ENOX1: variants seen among roughly 807,000 people sequenced by gnomAD.
ENOX1 encodes ecto-NOX disulfide-thiol exchanger 1.
ENOX1 carries 42 observed loss-of-function variants against 82.5 expected under a neutral mutation model. The observed-to-expected ratio is 0.51, with a 90% confidence interval of 0.40 to 0.66. The LOEUF (loss-of-function observed/expected upper bound fraction) is 0.66, where lower values mean the gene tolerates loss of function less well. ENOX1 is among the 30% of genes least tolerant of loss of function. ENOX1 has a pLI of 0.00. For synonymous variants in ENOX1, 271 were observed against 282.2 expected (o/e 0.96, Z 0.40); for missense variants, 608 against 811.6 (o/e 0.75, Z 3.05).
intron 2 of ENOX1, among the ~76,000 whole-genome samples, chr13:43,590,615 A>T (rs977680595): frequency 1.0e-3 from 25 of 24,916 alleles, no homozygotes; most frequent in African/African-American, 9.0e-4. Context: ...TCTACTAAAA[A>T]AACAAAAAAA....
At position 43,265,317 on chromosome 13, in the gene ENOX1, T is replaced by C. The variant is rs2044305318; in HGVS notation, c.1611+81A>G. 5 of 1,197,542 alleles carry C rather than the reference T, an allele frequency of 4.2e-6. No homozygotes were observed. The Admixed American group carries it at 8.5e-5, about 20-fold the overall frequency. The allele number at this position is 1,197,542 out of a possible 1,614,324, so 74.2% of individuals were successfully genotyped here. On this transcript the variant is annotated intron_variant, in intron 14 of 16. Coordinates refer to ENST00000690772, the MANE Select transcript of ENOX1 (RefSeq NM_001347969.2). ...CAGGCAGAGCTTCTGATTTCCTTTA[T>C]GTGGTAGATAAAGTGCTACATCCCC...
chr13:43,378,777 G>A (rs1225808063), intron 5 of ENOX1, among the ~76,000 whole-genome samples: 1 of 152,124 alleles, frequency 6.6e-6, no homozygotes, highest in Non-Finnish European at 1.5e-5. Flanking sequence ...ACAATGTCTG[G>A]TAACCAATTA....
intron 14 of ENOX1, among the ~76,000 whole-genome samples, chr13:43,258,298 G>A (rs1360078772): frequency 6.6e-6 from 1 of 152,210 alleles, no homozygotes; most frequent in Non-Finnish European, 1.5e-5. Flanking sequence ...TTTCAAGGGT[G>A]CTGGGTTGGG....
At chr13:43,304,045 T>C (rs1288747777) in intron 11 of ENOX1, among the ~76,000 whole-genome samples, 3 of 152,212 alleles carry the variant, frequency 2.0e-5, no homozygotes, top group Admixed American at 2.0e-4. Flanking sequence ...TCCTTTTGTA[T>C]GAGCCCCGAC....
rs138849690 is a variant in ENOX1, at chr13:43,247,059, C to G, written c.1612-10321G>C. ...CCTCTAGGCTGGGTGCGGTGGCTTG[C>G]ACCTGTAATCCCAGCACTTTGGGAG... On this transcript the variant is annotated intron_variant, in intron 14 of 16. Coordinates refer to ENST00000690772, the MANE Select transcript of ENOX1 (RefSeq NM_001347969.2). Among the ~76,000 whole-genome samples the G allele has an allele frequency of 2.6e-3, 395 of 152,304 alleles. 5 individuals are homozygous for G. Among genetic ancestry groups the G allele is most frequent in the African/African-American group, 9.0e-3 (376 of 41,568 alleles).
chr13:43,406,785 G>A (rs554735183), intron 5 of ENOX1, among the ~76,000 whole-genome samples: 9 of 152,030 alleles, frequency 5.9e-5, no homozygotes, highest in Non-Finnish European at 1.2e-4. Flanking sequence ...GAGCCACCGC[G>A]CCCGGCCAAG....
chr13:43,716,064 A>C (rs1205548435), intron 1 of ENOX1, among the ~76,000 whole-genome samples: 1 of 152,166 alleles, frequency 6.6e-6, no homozygotes, highest in African/African-American at 2.4e-5. Context: ...CAACTCATCA[A>C]AGTCATTCTC....
chr13:43,467,890 C>A (rs2153643758), intron 3 of ENOX1, among the ~76,000 whole-genome samples: 1 of 152,238 alleles, frequency 6.6e-6, no homozygotes, highest in East Asian at 1.9e-4. Flanking sequence ...TGTGGAAATC[C>A]AGTTGTCCCA....
chr13:43,512,512 G>A (rs2077406032), intron 2 of ENOX1, among the ~76,000 whole-genome samples: 1 of 151,980 alleles, frequency 6.6e-6, no homozygotes. Flanking sequence ...AAACTTGCCA[G>A]CACTATTCCA....
chr13:43,361,526 T>G, intron 5 of ENOX1, 74 bp from the exon 6 acceptor site: 1 of 1,390,090 alleles, frequency 7.2e-7, no homozygotes, highest in South Asian at 1.3e-5. Flanking sequence ...CATTTTCCTG[T>G]GGATTATTTG....
In ENOX1 at chr13:43,324,666, C is replaced by T. The variant is rs200774850; in HGVS notation, c.1143+1753G>A. 1.6e-4 allele frequency among the ~76,000 whole-genome samples: 25 copies of T among 152,286 alleles called. No homozygotes were observed. The East Asian group carries it at 3.7e-3, about 22-fold the overall frequency. On this transcript the variant is annotated intron_variant, in intron 10 of 16. Transcript: ENST00000690772. ...GTAGCAGGAAGGCAAAAAGACCCTT[C>T]GCAGGAGCACCTTTGACAGCTGCAC...
chr13:43,651,970 C>CA (rs35793831), intron 2 of ENOX1, among the ~76,000 whole-genome samples: 1,980 of 83,784 alleles, frequency 0.024, 39 homozygotes, highest in African/African-American at 0.054. Flanking sequence ...AACTTCGTCT[C>CA]AAAAAAAAAA....
In ENOX1 at chr13:43,310,117, C is replaced by T. The variant is rs1309984455; in HGVS notation, c.1262-11587G>A. Among the ~76,000 whole-genome samples, 57 of 18,548 alleles carry T rather than the reference C, an allele frequency of 3.1e-3. No homozygotes were observed. The Admixed American group carries it at 0.031, about 10-fold the overall frequency. 12.2% of individuals were successfully genotyped at this position (18,548 alleles called of 152,430 possible). ...GCTTGGGAGGCTGAGGCAGGAGAATCGCTTGAACCCGGGAGAGGTTGCAAT... is the reference window on the plus strand; with the variant it reads ...GCTTGGGAGGCTGAGGCAGGAGAATTGCTTGAACCCGGGAGAGGTTGCAAT... On this transcript the variant is annotated intron_variant, in intron 11 of 16. Transcript: ENST00000690772.
intron 14 of ENOX1, among the ~76,000 whole-genome samples, chr13:43,264,031 C>T (rs2044232191): frequency 6.6e-6 from 1 of 152,198 alleles, no homozygotes; most frequent in African/African-American, 2.4e-5. Context: ...CCTATTCACT[C>T]CCCAAAACCA....
chr13:43,356,817 C>T (rs1267217112), intron 7 of ENOX1, among the ~76,000 whole-genome samples: 10 of 152,004 alleles, frequency 6.6e-5, no homozygotes, highest in Middle Eastern at 3.2e-3. Context: ...CAAGAGGCCT[C>T]GCCGCTGCCT....
intron 3 of ENOX1, among the ~76,000 whole-genome samples, chr13:43,470,408 A>ATG (rs1555290248): frequency 7.7e-6 from 1 of 129,730 alleles, no homozygotes; most frequent in African/African-American, 2.9e-5. Context: ...GTGTATATAT[A>ATG]TATATATATA....
At chr13:43,362,904 CAGTAAAAGG>C (rs1242708845) in intron 5 of ENOX1, among the ~76,000 whole-genome samples, 1 of 149,244 alleles carries the variant, frequency 6.7e-6, no homozygotes, top group Non-Finnish European at 1.5e-5. Context: ...AGTGTGACTT[CAGTAAAAGG>C]AGGATTTTTT....
At chr13:43,346,805 C>A (rs1266389339) in intron 8 of ENOX1, among the ~76,000 whole-genome samples, 2 of 152,098 alleles carry the variant, frequency 1.3e-5, no homozygotes, top group African/African-American at 4.8e-5. Context: ...CTCTTCCCAC[C>A]AATATATGTT....
At chr13:43,564,030 T>A (rs1341018275) in intron 2 of ENOX1, among the ~76,000 whole-genome samples, 1 of 151,948 alleles carries the variant, frequency 6.6e-6, no homozygotes, top group Non-Finnish European at 1.5e-5. Context: ...AGTATTACCC[T>A]AATACCAAAA....
Sources: allele counts gnomAD v4.1 joint callset (sites outside exome capture counted in the v4.1 genomes callset), GRCh38; gene constraint gnomAD v4.1.1; transcripts MANE v1.5; gene names NCBI Gene and HGNC (gene_info 2026-07-23, HGNC 2026-07-21).